The following SBF2 variants were observed in gnomAD, a reference collection of about 807,000 sequenced individuals.
SBF2 encodes myotubularin-related protein 13.
Under a neutral mutation model 225.2 loss-of-function variants are expected in SBF2, and 112 were observed. That is an observed-to-expected ratio of 0.50 (90% CI 0.43 to 0.58). The LOEUF (loss-of-function observed/expected upper bound fraction) is 0.58, where lower values mean the gene tolerates loss of function less well. Ranked by LOEUF, SBF2 falls within the 20% of genes least tolerant of loss-of-function variation. The probability of loss-of-function intolerance (pLI) is 0.00; values close to 1 mark genes in which losing one functional copy is unlikely to be tolerated. For missense variants in SBF2, 1,996 were observed against 2,206.2 expected (o/e 0.90, Z 1.91); for synonymous variants, 763 against 773.3 (o/e 0.99, Z 0.22).
chr11:9,788,961 T>C (rs1852560898), intron 35 of SBF2, 148 bp downstream of exon 35: 1 of 707,482 alleles, frequency 1.4e-6, no homozygotes, highest in South Asian at 1.6e-5. Flanking sequence ...CCCCCACTGA[T>C]GATGGGGAGC....
intron 17 of SBF2, among the ~76,000 whole-genome samples, chr11:9,882,764 C>T (rs943422232): frequency 8.0e-6 from 1 of 124,620 alleles, no homozygotes; most frequent in Admixed American, 1.1e-4. Context: ...GCTGAGATTG[C>T]GGTACTGCAC....
chr11:9,982,649 G>C (rs1024594147), intron 13 of SBF2, among the ~76,000 whole-genome samples: 3 of 152,210 alleles, frequency 2.0e-5, no homozygotes, highest in African/African-American at 7.2e-5. Flanking sequence ...GTGAGTTTCA[G>C]CTCTAGATCA....
At chr11:9,876,892 C>G (rs1206069872) in intron 17 of SBF2, among the ~76,000 whole-genome samples, 16 of 152,118 alleles carry the variant, frequency 1.1e-4, no homozygotes, top group Admixed American at 1.0e-3. Context: ...GCGCCCACCA[C>G]CATCCCCAGC....
intron 2 of SBF2, among the ~76,000 whole-genome samples, chr11:10,046,162 G>A (rs1949852680): frequency 6.6e-6 from 1 of 151,964 alleles, no homozygotes; most frequent in Admixed American, 6.6e-5. Flanking sequence ...CTCGGATTTT[G>A]GTATGTGTGG....
chr11:9,824,867 A>G (rs563840899), intron 28 of SBF2, among the ~76,000 whole-genome samples: 1 of 152,210 alleles, frequency 6.6e-6, no homozygotes, highest in Non-Finnish European at 1.5e-5. Context: ...CAGTAAGGGG[A>G]AATGCAATCT....
At chr11:9,890,312 T>TA (rs1348096939) in intron 17 of SBF2, among the ~76,000 whole-genome samples, 1 of 152,322 alleles carries the variant, frequency 6.6e-6, no homozygotes, top group East Asian at 1.9e-4. Flanking sequence ...AAATTACTAA[T>TA]ACACACACTT....
At chr11:9,837,793 A>G (rs912210095) in intron 26 of SBF2, among the ~76,000 whole-genome samples, 9 of 151,970 alleles carry the variant, frequency 5.9e-5, no homozygotes, top group Non-Finnish European at 1.3e-4. Context: ...GCTGGAGTGC[A>G]GTAGCTTGAC....
intron 25 of SBF2, among the ~76,000 whole-genome samples, chr11:9,840,162 A>T (rs1856020124): frequency 2.7e-5 from 4 of 150,514 alleles, no homozygotes; most frequent in African/African-American, 9.7e-5. Context: ...TGAACCCGGG[A>T]GGTGGAGGTT....
intron 1 of SBF2, among the ~76,000 whole-genome samples, chr11:10,195,802 A>G (rs1224608092): frequency 2.0e-5 from 3 of 152,266 alleles, no homozygotes; most frequent in Non-Finnish European, 4.4e-5. Context: ...ATTAAAATGA[A>G]TAATTGCTGC....
chr11:10,299,888 C>G (rs1163462345), intron 1 of SBF2, among the ~76,000 whole-genome samples: 2 of 152,212 alleles, frequency 1.3e-5, no homozygotes, highest in Non-Finnish European at 1.5e-5. Context: ...GTCTTCAAAC[C>G]TGTCAATAGT....
intron 6 of SBF2, among the ~76,000 whole-genome samples, chr11:10,027,270 C>T (rs1949087158): frequency 6.6e-6 from 1 of 152,118 alleles, no homozygotes; most frequent in Non-Finnish European, 1.5e-5. Context: ...GCAAATGTAG[C>T]TGGAAAGAAT....
chr11:10,001,197 A>G (rs1291868867), intron 7 of SBF2, among the ~76,000 whole-genome samples, 175 bp from the exon 8 acceptor site: 2 of 152,196 alleles, frequency 1.3e-5, no homozygotes, highest in African/African-American at 4.8e-5. Context: ...CTTCATGTGA[A>G]AGATACAATC....
At chr11:9,999,695 A>G (rs563845353) in intron 8 of SBF2, among the ~76,000 whole-genome samples, 2 of 152,302 alleles carry the variant, frequency 1.3e-5, no homozygotes, top group Admixed American at 1.3e-4. Context: ...ACTAGTATTA[A>G]TTAGGTTTTA....
chr11:10,118,240 ACT>A (rs1953259068), intron 2 of SBF2, among the ~76,000 whole-genome samples: 1 of 152,060 alleles, frequency 6.6e-6, no homozygotes, highest in Non-Finnish European at 1.5e-5. Context: ...CTGACTGATG[ACT>A]CTATTCCTAT....
chr11:9,855,017 G>C (rs909528460), intron 19 of SBF2, among the ~76,000 whole-genome samples: 4 of 152,200 alleles, frequency 2.6e-5, no homozygotes, highest in South Asian at 4.1e-4. Flanking sequence ...AAACAGATAG[G>C]TCCTGTATTG....
At chr11:9,812,446 A>AT (rs1038894269) in intron 30 of SBF2, 86 bp downstream of exon 30, 68 of 1,430,190 alleles carry the variant, frequency 4.8e-5, no homozygotes, top group Middle Eastern at 1.8e-4. Flanking sequence ...GGAACAAAGT[A>AT]TTTTTTTTCT....
intron 26 of SBF2, among the ~76,000 whole-genome samples, chr11:9,834,574 T>C (rs1158047783): frequency 6.6e-6 from 1 of 152,206 alleles, no homozygotes; most frequent in African/African-American, 2.4e-5. Context: ...TTTCCATACT[T>C]AACCAATGAT....
At chr11:10,098,964 G>A (rs1393426176) in intron 2 of SBF2, among the ~76,000 whole-genome samples, 2 of 151,614 alleles carry the variant, frequency 1.3e-5, no homozygotes, top group African/African-American at 2.4e-5. Flanking sequence ...AGACAAAAAG[G>A]ATTTATGGGA....
At chr11:10,002,424 G>C (rs1948009450) in intron 7 of SBF2, 133 bp downstream of exon 7, 2 of 721,374 alleles carry the variant, frequency 2.8e-6, no homozygotes, top group Non-Finnish European at 4.7e-6. Context: ...TCAGAACTAT[G>C]ACTCATATAA....
Sources: allele counts gnomAD v4.1 joint callset (sites outside exome capture counted in the v4.1 genomes callset), GRCh38; gene constraint gnomAD v4.1.1; transcripts MANE v1.5; gene names NCBI Gene and HGNC (gene_info 2026-07-23, HGNC 2026-07-21).